The following CTNND2 variants were observed in gnomAD, a reference collection of about 807,000 sequenced individuals.
CTNND2 encodes the protein catenin delta-2.
A neutral mutation model predicts 144.4 loss-of-function variants in CTNND2; 22 were observed. The ratio of observed to expected loss-of-function variants is 0.15; its 90% CI spans 0.11 to 0.22. CTNND2 has a LOEUF of 0.22. Among genes scored for constraint, CTNND2 ranks in the 10% least tolerant of loss-of-function variants. The pLI is 1.00. For missense variants in CTNND2, 1,353 were observed against 1,618.8 expected (o/e 0.84, Z 2.82); for synonymous variants, 751 against 695.6 (o/e 1.08, Z -1.25).
intron 1 of CTNND2, among the ~76,000 whole-genome samples, chr5:11,753,172 C>A (rs1362928432): frequency 1.3e-5 from 2 of 151,780 alleles, no homozygotes; most frequent in African/African-American, 2.4e-5. Context: ...CCTTTTATTT[C>A]TCCTTCCTGA....
intron 2 of CTNND2, among the ~76,000 whole-genome samples, chr5:11,727,713 C>A (rs1338109231): frequency 6.6e-6 from 1 of 152,140 alleles, no homozygotes; most frequent in Admixed American, 6.5e-5. Flanking sequence ...ATCTTCTTGA[C>A]CTTTCCTAAG....
At chr5:11,066,322 G>T (rs546449836) in intron 16 of CTNND2, among the ~76,000 whole-genome samples, 1 of 152,332 alleles carries the variant, frequency 6.6e-6, no homozygotes, top group Non-Finnish European at 1.5e-5. Flanking sequence ...ACAGGCATGC[G>T]CCACCGCGCC....
intron 2 of CTNND2, among the ~76,000 whole-genome samples, chr5:11,577,252 T>C (rs768816293): frequency 1.3e-5 from 2 of 152,230 alleles, no homozygotes; most frequent in Non-Finnish European, 1.5e-5. Flanking sequence ...CAGATGCTTA[T>C]GTGGAAAGCA....
At chr5:11,365,475 C>T (rs1219030597) in intron 7 of CTNND2, among the ~76,000 whole-genome samples, 1 of 152,148 alleles carries the variant, frequency 6.6e-6, no homozygotes, top group Non-Finnish European at 1.5e-5. Context: ...TACTCTGACC[C>T]TCTAAATTGA....
chr5:11,542,685 TAA>T (rs1561535192), intron 3 of CTNND2, among the ~76,000 whole-genome samples: 1 of 152,264 alleles, frequency 6.6e-6, no homozygotes, highest in Non-Finnish European at 1.5e-5. Flanking sequence ...TATACACTCT[TAA>T]TTCAGACAAT....
At chr5:11,592,615 TA>T (rs141627260) in intron 2 of CTNND2, among the ~76,000 whole-genome samples, 5,019 of 142,942 alleles carry the variant, frequency 0.035, 174 homozygotes, top group African/African-American at 0.095. Context: ...TATTCTTAAG[TA>T]AAAAAAAAAA....
At chr5:11,242,835 A>G (rs914035530) in intron 9 of CTNND2, among the ~76,000 whole-genome samples, 7 of 152,210 alleles carry the variant, frequency 4.6e-5, no homozygotes, top group Admixed American at 4.6e-4. Context: ...TCCCATAAAT[A>G]CAGGACAGTC....
intron 11 of CTNND2, among the ~76,000 whole-genome samples, chr5:11,180,969 G>A (rs150485648): frequency 0.014 from 2,207 of 152,262 alleles, 48 homozygotes; most frequent in Admixed American, 0.05. Context: ...ATGTGGGCCC[G>A]GAGGTTCTGG....
intron 3 of CTNND2, among the ~76,000 whole-genome samples, chr5:11,421,869 C>T (rs1194733517): frequency 6.6e-6 from 1 of 152,128 alleles, no homozygotes; most frequent in East Asian, 1.9e-4. Context: ...GGCACTTCTG[C>T]CTTACACTCT....
rs143882976 is a variant in CTNND2 at position 11,281,819 on chromosome 5, A to C, written c.1629-44996T>G. ...GGTGACGGCCAATTTTCACTGCCTC[A>C]TCTTAACTTAATCACCTCTTTAAAT... On this transcript the variant is annotated intron_variant, in intron 9 of 21. Transcript: ENST00000304623. 6.8e-3 allele frequency among the ~76,000 whole-genome samples: 1,035 copies of C among 152,290 alleles called. 8 individuals carry two copies. The highest frequency in any genetic ancestry group is 0.023 in the African/African-American group (974 of 41,560).
intron 16 of CTNND2, among the ~76,000 whole-genome samples, chr5:11,066,248 C>T (rs1747569326): frequency 6.6e-6 from 1 of 152,186 alleles, no homozygotes; most frequent in African/African-American, 2.4e-5. Flanking sequence ...CCATGTTGGC[C>T]AGGATGGTCT....
chr5:11,732,209 C>T lies in CTNND2; in HGVS notation c.101G>A (p.Gly34Asp), dbSNP rs768516385. The change falls in exon 2 of 22, where the codon GGC becomes GAC. Residue 34 changes from glycine (G) to aspartate (D), a missense_variant. Transcript: ENST00000304623. ...ASEKTSSLSPGLNTSNGDGSE... is the reference protein window; with the variant it reads ...ASEKTSSLSPDLNTSNGDGSE... ...GCCATCCCCGTTGGAGGTGTTTAAG[C>T]CGGGGCTCAGGGAACTCGTCTTCTC... The T allele has an allele frequency of 7.4e-6, 12 of 1,613,768 alleles. No homozygotes were observed. Among genetic ancestry groups the T allele is most frequent in the South Asian group, 1.1e-5 (1 of 91,060 alleles).
rs138696804 is a variant in CTNND2 at position 11,149,669 on chromosome 5, G to T, written c.2159+9907C>A. On this transcript the variant is annotated intron_variant, in intron 12 of 21. Coordinates refer to ENST00000304623, the MANE Select transcript of CTNND2 (RefSeq NM_001332.4). ...GTGAAGGACGCAGGACTAATCTGAA[G>T]TCCTGGCGGTCTGTCCTTTTATGTA... Among the ~76,000 whole-genome samples, 77 of 152,280 alleles carry T rather than the reference G, an allele frequency of 5.1e-4. No homozygotes were observed. The East Asian group carries it at 0.012, about 24-fold the overall frequency.
At chr5:11,458,881 A>G (rs39913) in intron 3 of CTNND2, among the ~76,000 whole-genome samples, 23,426 of 151,408 alleles carry the variant, frequency 0.15, 5,824 homozygotes, top group African/African-American at 0.53. Flanking sequence ...TCCTGCCTCA[A>G]CCTCTGGAAT....
At chr5:11,203,717 G>T (rs1166089728) in intron 10 of CTNND2, among the ~76,000 whole-genome samples, 2 of 152,110 alleles carry the variant, frequency 1.3e-5, no homozygotes, top group Non-Finnish European at 2.9e-5. Flanking sequence ...AAGATTTTAG[G>T]TTTCATAGCA....
At chr5:11,380,431 T>C (rs2149792986) in intron 7 of CTNND2, among the ~76,000 whole-genome samples, 1 of 152,322 alleles carries the variant, frequency 6.6e-6, no homozygotes, top group African/African-American at 2.4e-5. Context: ...CAAAAGTATA[T>C]GAATAGATAC....
intron 10 of CTNND2, among the ~76,000 whole-genome samples, chr5:11,215,020 G>A (rs2051751): frequency 0.063 from 9,620 of 152,216 alleles, 433 homozygotes; most frequent in Admixed American, 0.11. Context: ...GATCTTGCCC[G>A]ACTTGCTCAA....
rs543995308 is a variant in CTNND2, at chr5:11,471,510, C to T, written c.288-59441G>A. 5.3e-5 allele frequency among the ~76,000 whole-genome samples: 8 copies of T among 152,242 alleles called. No individual in the cohort carries two copies. The South Asian group carries it at 8.3e-4, about 16-fold the overall frequency. ...AATCACAGTGATGTTATCAACGTTT[C>T]TAAATAACAAATTCTAGTAATAGAA... On this transcript the variant is annotated intron_variant, in intron 3 of 21. Coordinates refer to ENST00000304623, the MANE Select transcript of CTNND2 (RefSeq NM_001332.4).
At chr5:11,210,319 G>A (rs1030265054) in intron 10 of CTNND2, among the ~76,000 whole-genome samples, 4 of 152,022 alleles carry the variant, frequency 2.6e-5, no homozygotes, top group Admixed American at 6.5e-5. Flanking sequence ...GATCATTTGA[G>A]CCCAGGGGGC....
Sources: allele counts gnomAD v4.1 joint callset (sites outside exome capture counted in the v4.1 genomes callset), GRCh38; gene constraint gnomAD v4.1.1; transcripts MANE v1.5; gene names NCBI Gene and HGNC (gene_info 2026-07-23, HGNC 2026-07-21).